The following ZNF827 variants were observed in gnomAD, a reference collection of about 807,000 sequenced individuals.
ZNF827 encodes the protein zinc finger protein 827.
ZNF827 carries 13 observed loss-of-function variants against 102.4 expected under a neutral mutation model. The observed-to-expected ratio is 0.13, with a 90% CI of 0.08 to 0.20. ZNF827 has a LOEUF of 0.20. ZNF827 is among the 10% of genes least tolerant of loss of function. The pLI is 1.00. For synonymous variants in ZNF827, 523 were observed against 536.2 expected (o/e 0.98, Z 0.34); for missense variants, 1,103 against 1,344.4 (o/e 0.82, Z 2.81).
At chr4:145,841,595 GGA>G (rs1455577264) in intron 7 of ZNF827, among the ~76,000 whole-genome samples, 11 of 152,276 alleles carry the variant, frequency 7.2e-5, no homozygotes, top group African/African-American at 2.6e-4. Flanking sequence ...CTATCTCAAA[GGA>G]GACCCACAGC....
intron 7 of ZNF827, chr4:145,831,057 T>C (rs1408425115): frequency 6.6e-6 from 1 of 152,232 alleles, no homozygotes; most frequent in African/African-American, 2.4e-5. Flanking sequence ...ATGGTACGCA[T>C]GAACATTGCC....
At chr4:145,777,406 C>T (rs768194809) in intron 9 of ZNF827, among the ~76,000 whole-genome samples, 6 of 152,176 alleles carry the variant, frequency 3.9e-5, no homozygotes, top group African/African-American at 9.6e-5. Context: ...AACTCACCAG[C>T]GAAAATTTCT....
chr4:145,830,362 TA>T (rs1744091947), intron 7 of ZNF827: 1 of 152,172 alleles, frequency 6.6e-6, no homozygotes, highest in African/African-American at 2.4e-5. Flanking sequence ...TTGTATTAGT[TA>T]TAACTACCTC....
chr4:145,788,259 G>C (rs993675983), intron 8 of ZNF827, among the ~76,000 whole-genome samples: 27 of 152,110 alleles, frequency 1.8e-4, no homozygotes, highest in African/African-American at 6.0e-4. Flanking sequence ...TCTTTATGCA[G>C]GTCATATTAA....
chr4:145,793,248 G>GATAT (rs1170536544), intron 8 of ZNF827, among the ~76,000 whole-genome samples: 2 of 47,650 alleles, frequency 4.2e-5, no homozygotes, highest in Non-Finnish European at 8.5e-5. Flanking sequence ...AGAACTAAGA[G>GATAT]ATATATATAT....
intron 1 of ZNF827, among the ~76,000 whole-genome samples, chr4:145,928,699 G>A (rs1406788212): frequency 1.3e-5 from 2 of 152,174 alleles, no homozygotes; most frequent in East Asian, 1.9e-4. Flanking sequence ...ATTACTATAC[G>A]GCTTCTTGAT....
intron 2 of ZNF827, among the ~76,000 whole-genome samples, chr4:145,894,324 C>G (rs542145240): frequency 6.6e-6 from 1 of 152,212 alleles, no homozygotes; most frequent in Non-Finnish European, 1.5e-5. Flanking sequence ...TAAGCAGTTA[C>G]CACTGAAGGA....
intron 4 of ZNF827, among the ~76,000 whole-genome samples, chr4:145,875,919 T>G (rs1749111014): frequency 6.6e-6 from 1 of 152,226 alleles, no homozygotes; most frequent in East Asian, 1.9e-4. Context: ...CATTGTAAAA[T>G]TAATTAATTT....
intron 7 of ZNF827, among the ~76,000 whole-genome samples, chr4:145,824,164 C>T (rs1743435897): frequency 6.6e-6 from 1 of 152,140 alleles, no homozygotes; most frequent in Non-Finnish European, 1.5e-5. Flanking sequence ...CCTAAGGTCC[C>T]CTAGTGACTC....
rs72954687 is a variant in ZNF827, at chr4:145,872,392, C to T, written c.1748-1914G>A. On this transcript the variant is annotated intron_variant, in intron 4 of 14. Coordinates refer to ENST00000508784, the MANE Select transcript of ZNF827 (RefSeq NM_001306215.2). ...TCTGCACGAGGACACAGTGAGAAGG[C>T]GGCCGTCTGCAAAACAAGGAGAGAG... Among the ~76,000 whole-genome samples the T allele has an allele frequency of 6.0e-3, 919 of 152,242 alleles. 13 individuals are homozygous for T. Among genetic ancestry groups the T allele is most frequent in the African/African-American group, 0.021 (879 of 41,556 alleles).
intron 6 of ZNF827, among the ~76,000 whole-genome samples, chr4:145,846,772 G>A (rs1353494827): frequency 2.1e-5 from 3 of 145,006 alleles, no homozygotes; most frequent in Non-Finnish European, 1.5e-5. Flanking sequence ...AGCCGAGATC[G>A]CGCCACTACA....
chr4:145,807,787 C>A (rs59764066), intron 8 of ZNF827, among the ~76,000 whole-genome samples: 2,471 of 135,060 alleles, frequency 0.018, 57 homozygotes, highest in African/African-American at 0.063. Flanking sequence ...AAAAAAAAAA[C>A]AAAAAACAAA....
At chr4:145,800,145 T>C (rs542619732) in intron 8 of ZNF827, among the ~76,000 whole-genome samples, 7 of 152,364 alleles carry the variant, frequency 4.6e-5, no homozygotes, top group African/African-American at 1.7e-4. Flanking sequence ...CAATAATTCA[T>C]GAGCAAGATT....
chr4:145,918,616 T>C (rs2126954692), intron 1 of ZNF827, among the ~76,000 whole-genome samples: 1 of 152,198 alleles, frequency 6.6e-6, no homozygotes, highest in South Asian at 2.1e-4. Context: ...AGTTTCTTCA[T>C]CTATAAAATA....
chr4:145,773,550 G>A (rs1736600904), intron 11 of ZNF827, among the ~76,000 whole-genome samples: 1 of 152,194 alleles, frequency 6.6e-6, no homozygotes, highest in African/African-American at 2.4e-5. Flanking sequence ...TGTAAGCCCC[G>A]CAAATGCAGA....
intron 8 of ZNF827, among the ~76,000 whole-genome samples, chr4:145,794,879 TGGG>T (rs1740218323): frequency 6.6e-6 from 1 of 152,072 alleles, no homozygotes; most frequent in Non-Finnish European, 1.5e-5. Flanking sequence ...CAAGAAACCA[TGGG>T]TTAAAAAGTG....
At chr4:145,880,099 G>T (rs887209990) in intron 4 of ZNF827, among the ~76,000 whole-genome samples, 5 of 152,190 alleles carry the variant, frequency 3.3e-5, no homozygotes, top group Admixed American at 2.6e-4. Flanking sequence ...GCTGGTCATG[G>T]TGGCAGGTAC....
chr4:145,791,855 A>G (rs796134300), intron 8 of ZNF827, among the ~76,000 whole-genome samples: 9 of 152,348 alleles, frequency 5.9e-5, no homozygotes, highest in African/African-American at 2.2e-4. Context: ...CAAGGCACAG[A>G]ATTGATTATG....
chr4:145,855,852 T>A (rs1452382046), intron 5 of ZNF827, among the ~76,000 whole-genome samples: 1 of 152,190 alleles, frequency 6.6e-6, no homozygotes, highest in Non-Finnish European at 1.5e-5. Context: ...GCAATGGAGA[T>A]ACCTTGTATC....
Sources: allele counts gnomAD v4.1 joint callset (sites outside exome capture counted in the v4.1 genomes callset), GRCh38; gene constraint gnomAD v4.1.1; transcripts MANE v1.5; gene names NCBI Gene and HGNC (gene_info 2026-07-23, HGNC 2026-07-21).